The following MED19 variants were observed in gnomAD, a reference collection of about 807,000 sequenced individuals.
The protein encoded by MED19 is mediator complex subunit 19.
A neutral mutation model predicts 19.9 loss-of-function variants in MED19; 4 were observed. The ratio of observed to expected loss-of-function variants is 0.20; its 90% CI spans 0.10 to 0.46. The LOEUF (loss-of-function observed/expected upper bound fraction) is 0.46. MED19 is among the 20% of genes least tolerant of loss of function. The pLI, the probability that MED19 is intolerant of heterozygous loss-of-function variation, is 0.99. For missense variants in MED19, 303 were observed against 318.7 expected, an observed-to-expected ratio of 0.95 and a Z score of 0.38; for synonymous variants, 139 against 119.6, an observed-to-expected ratio of 1.16 and a Z score of -1.06.
chr11:57,703,727 A>T (rs937059551), exon 5 of MED19: 54 of 254,196 alleles, frequency 2.1e-4, no homozygotes, highest in Non-Finnish European at 2.8e-4. Context: ...GATAAATGTA[A>T]TTTTTTTTTT....
chr11:57,712,090 G>T, exon 1 of MED19: 2 of 1,529,426 alleles, frequency 1.3e-6, no homozygotes, highest in African/African-American at 1.4e-5. Context: ...GCGGTGGCGG[G>T]GGTGGAGGCT....
intron 1 of MED19, among the ~76,000 whole-genome samples, chr11:57,706,774 A>C (rs996049103): frequency 6.6e-6 from 1 of 152,138 alleles, no homozygotes; most frequent in African/African-American, 2.4e-5. Flanking sequence ...ACAAAAAAAC[A>C]AGTCAGGCAA....
At chr11:57,707,071 G>A (rs867928659) in intron 1 of MED19, among the ~76,000 whole-genome samples, 5 of 152,046 alleles carry the variant, frequency 3.3e-5, no homozygotes, top group African/African-American at 7.2e-5. Context: ...GGTGGCATGC[G>A]CCTGTAGTCA....
intron 1 of MED19, among the ~76,000 whole-genome samples, chr11:57,711,205 C>A (rs745522561): frequency 2.6e-5 from 4 of 152,202 alleles, no homozygotes; most frequent in Non-Finnish European, 5.9e-5. Flanking sequence ...CGATTCTTAT[C>A]CCTTTTTTGA....
At chr11:57,705,313 G>A (rs1946496690) in intron 1 of MED19, 84 bp from the exon 2 acceptor site, 1 of 1,430,046 alleles carries the variant, frequency 7.0e-7, no homozygotes. Flanking sequence ...ACCTAAATAA[G>A]ACATTTTTTA....
At chr11:57,705,422 C>T (rs1461889302) in intron 1 of MED19, among the ~76,000 whole-genome samples, 193 bp from the exon 2 acceptor site, 1 of 151,996 alleles carries the variant, frequency 6.6e-6, no homozygotes, top group East Asian at 1.9e-4. Flanking sequence ...GAGGCTGAGG[C>T]GGGTGGATCA....
intron 1 of MED19, among the ~76,000 whole-genome samples, chr11:57,706,307 C>G (rs1251603925): frequency 6.6e-6 from 1 of 152,110 alleles, no homozygotes; most frequent in Non-Finnish European, 1.5e-5. Context: ...ACCACCATGC[C>G]TGGCTAATTT....
intron 1 of MED19, among the ~76,000 whole-genome samples, chr11:57,710,302 C>T (rs938248603): frequency 2.6e-5 from 4 of 152,154 alleles, no homozygotes; most frequent in Non-Finnish European, 5.9e-5. Flanking sequence ...CTGGAGGTTA[C>T]AGTGAGCTAT....
chr11:57,704,186 C>G (rs1355849046), intron 4 of MED19, 80 bp from the exon 5 acceptor site: 1 of 1,529,118 alleles, frequency 6.5e-7, no homozygotes, highest in Non-Finnish European at 8.7e-7. Context: ...AAACCTGCAA[C>G]CTGCCTTGGG....
exon 2 of MED19, chr11:57,705,141 C>T (rs747206554): frequency 1.8e-5 from 29 of 1,614,074 alleles, no homozygotes; most frequent in Admixed American, 3.3e-5. Flanking sequence ...TTAGCTTCTC[C>T]TTCACCTTCT....
intron 1 of MED19, among the ~76,000 whole-genome samples, chr11:57,707,085 C>T (rs1946517328): frequency 6.6e-6 from 1 of 151,560 alleles, no homozygotes; most frequent in Non-Finnish European, 1.5e-5. Flanking sequence ...GTAGTCACAG[C>T]TACTTGGGAG....
At chr11:57,711,092 G>T (rs1318817707) in intron 1 of MED19, among the ~76,000 whole-genome samples, 1 of 152,218 alleles carries the variant, frequency 6.6e-6, no homozygotes, top group Non-Finnish European at 1.5e-5. Context: ...CCCAAAAAAG[G>T]CAAGCATCTT....
In MED19 at chr11:57,705,239, G is replaced by A. The variant is rs758593809; in HGVS notation, c.218-10C>T. 26 of 1,610,520 alleles carry A rather than the reference G, an allele frequency of 1.6e-5. No individual in the cohort carries two copies. The highest frequency in any genetic ancestry group is 1.6e-4 in the Middle Eastern group (1 of 6,064). Reference sequence around the variant, plus strand: ...GTCAGCTCTGTGCTACCTAGACAACGCAGAATAAAAATAAAAAAGATCAGT... The same window carrying A: ...GTCAGCTCTGTGCTACCTAGACAACACAGAATAAAAATAAAAAAGATCAGT... On this transcript the variant is annotated splice_polypyrimidine_tract_variant and intron_variant, in intron 1 of 4. Coordinates refer to ENST00000431606, the Ensembl canonical transcript of MED19.
At chr11:57,706,387 G>A (rs537755584) in intron 1 of MED19, among the ~76,000 whole-genome samples, 9 of 152,080 alleles carry the variant, frequency 5.9e-5, no homozygotes, top group South Asian at 4.2e-4. Context: ...CAAGTGATCC[G>A]CCACCCCCCG....
At position 57,704,887 on chromosome 11, in the gene MED19, T is replaced by G. The variant is rs1215093619; in HGVS notation, c.475-72A>C. The G allele has an allele frequency of 3.1e-6, 5 of 1,607,754 alleles. No individual in the cohort carries two copies. The African/African-American group carries it at 6.7e-5, about 22-fold the overall frequency. Reference sequence around the variant, plus strand: ...CTCCTGCTCTTATCATCCATTCTGCTCCATTATGAAGGAACAGACTTGGAG... The same window carrying G: ...CTCCTGCTCTTATCATCCATTCTGCGCCATTATGAAGGAACAGACTTGGAG... On this transcript the variant is annotated intron_variant, in intron 2 of 4. Transcript: ENST00000431606.
At chr11:57,704,209 G>C in intron 4 of MED19, 93 bp downstream of exon 4, 1 of 1,525,912 alleles carries the variant, frequency 6.6e-7, no homozygotes, top group Non-Finnish European at 8.8e-7. Context: ...TTCAATCTTG[G>C]GTCCAACTTG....
chr11:57,704,224 A>G, intron 4 of MED19, 78 bp downstream of exon 4: 2 of 1,526,676 alleles, frequency 1.3e-6, no homozygotes, highest in Non-Finnish European at 1.7e-6. Context: ...AACTTGAGGC[A>G]AAGAACTCTA....
At chr11:57,711,267 A>G (rs1946590200) in intron 1 of MED19, among the ~76,000 whole-genome samples, 2 of 152,218 alleles carry the variant, frequency 1.3e-5, no homozygotes, top group Admixed American at 1.3e-4. Context: ...ACTTGCCCCA[A>G]ACCAATAGCA....
At chr11:57,710,955 G>A (rs1946575039) in intron 1 of MED19, among the ~76,000 whole-genome samples, 1 of 152,142 alleles carries the variant, frequency 6.6e-6, no homozygotes, top group African/African-American at 2.4e-5. Flanking sequence ...GCCTCCCAAA[G>A]CGCTGGGATT....
Sources: allele counts gnomAD v4.1 joint callset (sites outside exome capture counted in the v4.1 genomes callset), GRCh38; gene constraint gnomAD v4.1.1; transcripts MANE v1.5; gene names NCBI Gene and HGNC (gene_info 2026-07-23, HGNC 2026-07-21).